Variants in ENOX1 observed in about 807,000 individuals in gnomAD.
ENOX1 encodes ecto-NOX disulfide-thiol exchanger 1.
In ENOX1, 42 loss-of-function variants were observed where a neutral mutation model predicts 82.5. That is an observed-to-expected ratio of 0.51 (90% CI 0.40 to 0.66). The LOEUF (loss-of-function observed/expected upper bound fraction) is 0.66. Ranked by LOEUF, ENOX1 falls within the 30% of genes least tolerant of loss-of-function variation. The probability of loss-of-function intolerance (pLI) is 0.00; values close to 1 mark genes in which losing one functional copy is unlikely to be tolerated. For synonymous variants in ENOX1, 271 were observed against 282.2 expected, an observed-to-expected ratio of 0.96 and a Z score of 0.40; for missense variants, 608 against 811.6, an observed-to-expected ratio of 0.75 and a Z score of 3.05.
chr13:43,620,772 A>C (rs2153745768), intron 2 of ENOX1, among the ~76,000 whole-genome samples: 1 of 152,200 alleles, frequency 6.6e-6, no homozygotes, highest in South Asian at 2.1e-4. Context: ...ATTTATTCCA[A>C]GGTATAGTTT....
intron 13 of ENOX1, 68 bp from the exon 14 acceptor site, chr13:43,265,522 T>C (rs1305831840): frequency 7.5e-6 from 10 of 1,328,164 alleles, no homozygotes; most frequent in Non-Finnish European, 1.1e-5. Flanking sequence ...CTTAAGTATA[T>C]CATCTTGTTA....
At position 43,580,147 on chromosome 13, in the gene ENOX1, G is replaced by A. The variant is rs1408632630; in HGVS notation, c.-219+87332C>T. 5.9e-5 allele frequency among the ~76,000 whole-genome samples: 9 copies of A among 152,308 alleles called. No homozygotes were observed. The East Asian group carries it at 1.7e-3, about 29-fold the overall frequency. On this transcript the variant is annotated intron_variant, in intron 2 of 16. Transcript: ENST00000690772. The stretch of plus-strand genomic sequence containing the variant: ...TGTACATCATCAGAACATTATCTGG[G>A]ATATTCATGTCCTTGACCTGTACAA...
At chr13:43,675,501 T>C (rs144783599) in intron 1 of ENOX1, among the ~76,000 whole-genome samples, 1 of 152,318 alleles carries the variant, frequency 6.6e-6, no homozygotes, top group East Asian at 1.9e-4. Flanking sequence ...TGTGTACACA[T>C]ATACACACAC....
intron 9 of ENOX1, among the ~76,000 whole-genome samples, chr13:43,335,769 A>C (rs1001564944): frequency 1.5e-5 from 1 of 67,242 alleles, no homozygotes; most frequent in African/African-American, 4.5e-5. Flanking sequence ...GAAGGATACC[A>C]AAAAAAAAAA....
chr13:43,676,762 G>T (rs893156040), intron 1 of ENOX1, among the ~76,000 whole-genome samples: 11 of 152,172 alleles, frequency 7.2e-5, no homozygotes, highest in Non-Finnish European at 1.5e-4. Flanking sequence ...TCAGGGAAAA[G>T]AAGTTTGAGA....
chr13:43,636,073 G>T (rs1177188051), intron 2 of ENOX1, among the ~76,000 whole-genome samples: 1 of 152,046 alleles, frequency 6.6e-6, no homozygotes. Flanking sequence ...ATAACTAAGA[G>T]AGTTCTGTCC....
intron 3 of ENOX1, among the ~76,000 whole-genome samples, chr13:43,428,438 C>T (rs1029662181): frequency 6.6e-6 from 1 of 152,138 alleles, no homozygotes; most frequent in African/African-American, 2.4e-5. Flanking sequence ...TCCATTCTCC[C>T]CATGTCAACA....
In ENOX1 at chr13:43,667,396, A is replaced by G. The variant is rs189316195; in HGVS notation, c.-219+83T>C. 2.3e-4 allele frequency: 199 copies of G among 881,710 alleles called. No individual in the cohort carries two copies. In the African/African-American group the frequency reaches 3.4e-3, roughly 15 times the overall value. The allele number at this position is 881,710 out of a possible 1,614,324, so 54.6% of individuals were successfully genotyped here. ...AAGACACACATTAGAGAATGATGCC[A>G]GAGGTATAATTAAACTACATCCCTT... On this transcript the variant is annotated intron_variant, in intron 2 of 16. Coordinates refer to ENST00000690772, the MANE Select transcript of ENOX1 (RefSeq NM_001347969.2).
chr13:43,264,637 T>G (rs2044264758), intron 14 of ENOX1, among the ~76,000 whole-genome samples: 1 of 152,190 alleles, frequency 6.6e-6, no homozygotes, highest in African/African-American at 2.4e-5. Flanking sequence ...AATTCTGTGT[T>G]CAGTGAAAAG....
intron 5 of ENOX1, among the ~76,000 whole-genome samples, chr13:43,372,810 G>C (rs999456676): frequency 2.0e-5 from 3 of 152,090 alleles, no homozygotes; most frequent in Non-Finnish European, 2.9e-5. Context: ...GAAATAAAAG[G>C]AAGAAATAAA....
intron 2 of ENOX1, among the ~76,000 whole-genome samples, chr13:43,528,088 A>T (rs906178058): frequency 6.6e-6 from 1 of 152,136 alleles, no homozygotes; most frequent in African/African-American, 2.4e-5. Context: ...AAAAGACTCA[A>T]TTCAGTCTTT....
chr13:43,362,889 G>T (rs914790711), intron 5 of ENOX1, among the ~76,000 whole-genome samples: 3 of 151,926 alleles, frequency 2.0e-5, no homozygotes, highest in Admixed American at 6.6e-5. Context: ...ATTTCATAGT[G>T]TATCAGTGTG....
At chr13:43,369,303 C>T (rs1266799093) in intron 5 of ENOX1, among the ~76,000 whole-genome samples, 1 of 152,174 alleles carries the variant, frequency 6.6e-6, no homozygotes, top group African/African-American at 2.4e-5. Flanking sequence ...TCTAAAAACC[C>T]ACCTTTTCTG....
At chr13:43,617,887 C>A (rs992763270) in intron 2 of ENOX1, among the ~76,000 whole-genome samples, 2 of 50,262 alleles carry the variant, frequency 4.0e-5, no homozygotes, top group African/African-American at 1.0e-4. Flanking sequence ...TCAACATCTA[C>A]TGGTTTGTTG....
At chr13:43,659,033 C>G (rs2084585679) in intron 2 of ENOX1, among the ~76,000 whole-genome samples, 1 of 152,078 alleles carries the variant, frequency 6.6e-6, no homozygotes, top group East Asian at 1.9e-4. Context: ...ATCCTCTAAG[C>G]TTCTTATTTT....
At chr13:43,422,417 T>C (rs7323505) in intron 3 of ENOX1, among the ~76,000 whole-genome samples, 59 of 152,192 alleles carry the variant, frequency 3.9e-4, no homozygotes, top group African/African-American at 1.4e-3. Flanking sequence ...CCATTTGGCA[T>C]GCACCACAGA....
intron 1 of ENOX1, among the ~76,000 whole-genome samples, chr13:43,675,726 AG>A: frequency 6.6e-6 from 1 of 152,126 alleles, no homozygotes; most frequent in Non-Finnish European, 1.5e-5. Flanking sequence ...CACTGAAAGG[AG>A]GGGCCCGGCT....
intron 13 of ENOX1, 120 bp downstream of exon 13, chr13:43,269,341 TTTGACAGGG>T: frequency 2.8e-6 from 2 of 709,098 alleles, no homozygotes; most frequent in East Asian, 5.1e-5. Context: ...TGCTAGGAAG[TTTGACAGGG>T]TTCAGACTAA....
At chr13:43,315,797 T>G (rs2047444849) in intron 11 of ENOX1, among the ~76,000 whole-genome samples, 1 of 152,154 alleles carries the variant, frequency 6.6e-6, no homozygotes, top group Admixed American at 6.5e-5. Flanking sequence ...TCCCTCAGTG[T>G]CCTTCAAGCC....
Sources: allele counts gnomAD v4.1 joint callset (sites outside exome capture counted in the v4.1 genomes callset), GRCh38; gene constraint gnomAD v4.1.1; transcripts MANE v1.5; gene names NCBI Gene and HGNC (gene_info 2026-07-23, HGNC 2026-07-21).